CDS1: variants seen among roughly 807,000 people sequenced by gnomAD.
The protein encoded by CDS1 is phosphatidate cytidylyltransferase 1.
CDS1 carries 41 observed loss-of-function variants against 62.1 expected under a neutral mutation model. That is an observed-to-expected ratio of 0.66 (90% CI 0.51 to 0.86). CDS1 has a LOEUF of 0.86. CDS1 is among the 40% of genes least tolerant of loss of function. CDS1 has a pLI of 0.00. For missense variants in CDS1, 470 were observed against 550.1 expected (o/e 0.85, Z 1.46); for synonymous variants, 185 against 192.6 (o/e 0.96, Z 0.32).
chr4:84,624,922 G>A (rs376607381), intron 5 of CDS1, among the ~76,000 whole-genome samples: 8 of 151,824 alleles, frequency 5.3e-5, no homozygotes, highest in African/African-American at 1.7e-4. Flanking sequence ...GTGCAGTGGC[G>A]CGATCTCGGC....
chr4:84,596,413 T>TAA (rs1722753252), intron 1 of CDS1, among the ~76,000 whole-genome samples: 5 of 152,162 alleles, frequency 3.3e-5, no homozygotes, highest in Admixed American at 2.6e-4. Flanking sequence ...TCTGTTTCCT[T>TAA]GCCTTTTCTA....
At chr4:84,640,329 T>TA (rs1315316085) in intron 9 of CDS1, among the ~76,000 whole-genome samples, 2 of 151,874 alleles carry the variant, frequency 1.3e-5, no homozygotes, top group Non-Finnish European at 2.9e-5. Flanking sequence ...TTTAAATTTA[T>TA]AACAGGATAT....
chr4:84,595,684 A>G (rs1408642142), intron 1 of CDS1, among the ~76,000 whole-genome samples: 2 of 152,358 alleles, frequency 1.3e-5, no homozygotes, highest in African/African-American at 4.8e-5. Flanking sequence ...GCCCTGAAAA[A>G]GTGATGTACC....
intron 6 of CDS1, 92 bp from the exon 7 acceptor site, chr4:84,633,765 T>C (rs1724093348): frequency 1.7e-6 from 1 of 604,660 alleles, no homozygotes; most frequent in Admixed American, 2.9e-5. Flanking sequence ...CCAAAAGTCA[T>C]GGTAGAAATT....
intron 2 of CDS1, among the ~76,000 whole-genome samples, chr4:84,607,011 T>C (rs1191100453): frequency 1.3e-5 from 2 of 152,214 alleles, no homozygotes; most frequent in Admixed American, 6.5e-5. Flanking sequence ...CATTTTTGAC[T>C]CTACACTCAT....
chr4:84,619,850 T>G (rs1339068595), intron 5 of CDS1, among the ~76,000 whole-genome samples: 1 of 150,006 alleles, frequency 6.7e-6, no homozygotes, highest in African/African-American at 2.5e-5. Flanking sequence ...CTGACCAACA[T>G]GAAGAAAGTC....
At chr4:84,630,538 T>C (rs1277300443) in intron 5 of CDS1, among the ~76,000 whole-genome samples, 1 of 152,246 alleles carries the variant, frequency 6.6e-6, no homozygotes, top group Non-Finnish European at 1.5e-5. Flanking sequence ...TTTACTCTAC[T>C]GGTAGAATTG....
Position 84,640,766 on chromosome 4 carries a change from T to C in CDS1, c.880-72T>C, listed in dbSNP as rs1436758730. On this transcript the variant is annotated intron_variant, in intron 9 of 12. Transcript: ENST00000295887. ...CCTTTCTGATGTATAACTTAAAAGA[T>C]ATATGTTTAGTCAATGTGTTATGAA... 11 of 1,208,414 alleles carry C rather than the reference T, an allele frequency of 9.1e-6. No homozygotes were observed. In the East Asian group the frequency reaches 2.8e-4, roughly 30 times the overall value. 74.9% of individuals were successfully genotyped at this position (1,208,414 alleles called of 1,614,324 possible). A position where few individuals can be genotyped will look rare whatever the true frequency, so the allele number is the denominator to read the frequency against.
chr4:84,610,300 ACAT>A (rs1007026965), intron 3 of CDS1, among the ~76,000 whole-genome samples: 6 of 152,084 alleles, frequency 3.9e-5, no homozygotes, highest in African/African-American at 1.4e-4. Context: ...CAAAGTGGAG[ACAT>A]CATGAGCGGG....
intron 5 of CDS1, among the ~76,000 whole-genome samples, chr4:84,623,643 T>C (rs1723759664): frequency 6.6e-6 from 1 of 152,236 alleles, no homozygotes; most frequent in African/African-American, 2.4e-5. Flanking sequence ...CAGGATGGAA[T>C]ACAAACTATC....
At chr4:84,616,078 C>T (rs1023061492) in intron 3 of CDS1, among the ~76,000 whole-genome samples, 1 of 152,176 alleles carries the variant, frequency 6.6e-6, no homozygotes, top group Non-Finnish European at 1.5e-5. Flanking sequence ...CAAATATGTT[C>T]ATAGAAATTA....
At chr4:84,610,205 C>G (rs1334125107) in intron 3 of CDS1, among the ~76,000 whole-genome samples, 2 of 152,058 alleles carry the variant, frequency 1.3e-5, no homozygotes, top group Non-Finnish European at 2.9e-5. Flanking sequence ...AGCACCTAAT[C>G]CAGTCTGAGG....
chr4:84,622,758 G>A (rs991059601), intron 5 of CDS1, among the ~76,000 whole-genome samples: 1 of 152,110 alleles, frequency 6.6e-6, no homozygotes, highest in Non-Finnish European at 1.5e-5. Flanking sequence ...TTTTCTGTAA[G>A]TAATAGGCCT....
chr4:84,583,739 C>T (rs761619420), intron 1 of CDS1, among the ~76,000 whole-genome samples: 4 of 152,084 alleles, frequency 2.6e-5, no homozygotes, highest in Non-Finnish European at 5.9e-5. Context: ...GGCCGCTGCC[C>T]GGGAGAAATG....
At chr4:84,605,394 T>G (rs1723062920) in intron 2 of CDS1, among the ~76,000 whole-genome samples, 1 of 152,170 alleles carries the variant, frequency 6.6e-6, no homozygotes, top group African/African-American at 2.4e-5. Flanking sequence ...GCCTGCGATC[T>G]GAAAACCACT....
At chr4:84,599,405 CATATATATATAT>C (rs59313355) in intron 1 of CDS1, among the ~76,000 whole-genome samples, 5 of 24,698 alleles carry the variant, frequency 2.0e-4, no homozygotes, top group Admixed American at 5.7e-4. Context: ...CACACACACA[CATATATATATAT>C]ATATATATAT....
chr4:84,590,091 A>G lies in CDS1; in HGVS notation c.117+6573A>G, dbSNP rs183284235. On this transcript the variant is annotated intron_variant, in intron 1 of 12. Coordinates refer to ENST00000295887, the MANE Select transcript of CDS1 (RefSeq NM_001263.4). ...CTCCCAAAGTGCTGGGATTACAGGC[A>G]TGAGCCACCTCACCCAGCCTAAGGC... is the stretch of plus-strand genomic sequence containing the variant. Among the ~76,000 whole-genome samples the G allele has an allele frequency of 7.6e-3, 1,157 of 152,268 alleles. 2 individuals are homozygous for G. Among genetic ancestry groups the G allele is most frequent in the Middle Eastern group, 0.024 (7 of 294 alleles).
intron 1 of CDS1, among the ~76,000 whole-genome samples, chr4:84,594,724 A>G (rs1323817729): frequency 2.0e-5 from 3 of 152,096 alleles, no homozygotes; most frequent in Non-Finnish European, 4.4e-5. Flanking sequence ...TTATTAAGAG[A>G]TTGCTAAATT....
At chr4:84,599,403 CACATATATATAT>C (rs1220754465) in intron 1 of CDS1, among the ~76,000 whole-genome samples, 13 of 17,220 alleles carry the variant, frequency 7.5e-4, no homozygotes, top group East Asian at 4.7e-3. Context: ...GACACACACA[CACATATATATAT>C]ATATATATAT....
Sources: gnomAD v4.1 joint callset for allele counts (sites outside exome capture counted in the v4.1 genomes callset) on GRCh38, gnomAD v4.1.1 for gene constraint, MANE v1.5 for transcripts, NCBI Gene and HGNC (gene_info 2026-07-23, HGNC 2026-07-21) for gene names.